ARHGAP15: variants seen among roughly 807,000 people sequenced by gnomAD.
The protein encoded by ARHGAP15 is Rho GTPase activating protein 15.
ARHGAP15 carries 51 observed loss-of-function variants against 63.7 expected under a neutral mutation model. The observed-to-expected ratio is 0.80, with a 90% CI of 0.64 to 1.01. The LOEUF (loss-of-function observed/expected upper bound fraction) is 1.01, where lower values mean the gene tolerates loss of function less well. ARHGAP15 is among the 50% of genes least tolerant of loss of function. The probability of loss-of-function intolerance (pLI) is 0.00; values close to 1 mark genes in which losing one functional copy is unlikely to be tolerated. For synonymous variants in ARHGAP15, 191 were observed against 193.8 expected, an observed-to-expected ratio of 0.99 and a Z score of 0.12; for missense variants, 560 against 564.6, an observed-to-expected ratio of 0.99 and a Z score of 0.08.
intron 1 of ARHGAP15, among the ~76,000 whole-genome samples, chr2:143,129,780 A>C (rs1476645679): frequency 6.6e-6 from 1 of 152,188 alleles, no homozygotes; most frequent in Non-Finnish European, 1.5e-5. Context: ...ACTAGAAATA[A>C]TGTGAGACTT....
At chr2:143,470,292 GAAAAAAA>G (rs527918583) in intron 8 of ARHGAP15, among the ~76,000 whole-genome samples, 1,832 of 126,742 alleles carry the variant, frequency 0.014, 32 homozygotes, top group African/African-American at 0.049. Context: ...CAAGGTTTTG[GAAAAAAA>G]AAAAAAAAGG....
At chr2:143,304,782 T>C (rs557223755) in intron 6 of ARHGAP15, among the ~76,000 whole-genome samples, 21 of 152,156 alleles carry the variant, frequency 1.4e-4, no homozygotes, top group African/African-American at 5.1e-4. Flanking sequence ...TGAGACACCA[T>C]CTCATGCCAG....
At chr2:143,723,028 A>G (rs1388317443) in intron 13 of ARHGAP15, among the ~76,000 whole-genome samples, 3 of 152,216 alleles carry the variant, frequency 2.0e-5, no homozygotes, top group Non-Finnish European at 2.9e-5. Context: ...TGGTCCCATG[A>G]GATTATGACA....
chr2:143,514,722 A>G (rs563215993), intron 9 of ARHGAP15, among the ~76,000 whole-genome samples: 1 of 152,306 alleles, frequency 6.6e-6, no homozygotes, highest in Admixed American at 6.5e-5. Context: ...TTTAAGCTGC[A>G]GGTCTGACTG....
At chr2:143,430,899 A>G (rs911415068) in intron 6 of ARHGAP15, among the ~76,000 whole-genome samples, 4 of 152,022 alleles carry the variant, frequency 2.6e-5, no homozygotes, top group Admixed American at 6.6e-5. Flanking sequence ...TTTCCTGCAT[A>G]CTATTTCAGT....
At chr2:143,477,190 GCA>G (rs59257825) in intron 8 of ARHGAP15, among the ~76,000 whole-genome samples, 61 of 147,402 alleles carry the variant, frequency 4.1e-4, no homozygotes, top group Middle Eastern at 3.4e-3. Context: ...ACACATGCTC[GCA>G]CACACACACA....
chr2:143,130,581 C>T (rs2104974824), intron 1 of ARHGAP15, among the ~76,000 whole-genome samples: 1 of 152,184 alleles, frequency 6.6e-6, no homozygotes, highest in East Asian at 1.9e-4. Context: ...GAAAGACACA[C>T]ATAAATGTTT....
In ARHGAP15 at chr2:143,607,830, A is replaced by T. The variant is rs1423868119; in HGVS notation, c.1004-16303A>T. ...CTCACAAAGCCATGTTCTCCACCCCACTGAAGGGCTTCATTTACATCTAAA... is the reference window on the plus strand; with the variant it reads ...CTCACAAAGCCATGTTCTCCACCCCTCTGAAGGGCTTCATTTACATCTAAA... On this transcript the variant is annotated intron_variant, in intron 11 of 13. Coordinates refer to ENST00000295095, the MANE Select transcript of ARHGAP15 (RefSeq NM_018460.4). 5 of 152,232 alleles carry T rather than the reference A, an allele frequency of 3.3e-5. No individual in the cohort carries two copies. In the East Asian group the frequency reaches 9.7e-4, roughly 29 times the overall value. 9.4% of individuals were successfully genotyped at this position (152,232 alleles called of 1,614,324 possible). A position where few individuals can be genotyped will look rare whatever the true frequency, so the allele number is the denominator to read the frequency against.
At chr2:143,436,650 G>GGAT (rs1389313635) in intron 7 of ARHGAP15, among the ~76,000 whole-genome samples, 5 of 152,072 alleles carry the variant, frequency 3.3e-5, no homozygotes, top group African/African-American at 7.2e-5. Context: ...AGGAAAATAA[G>GGAT]GATAATAATA....
intron 6 of ARHGAP15, among the ~76,000 whole-genome samples, chr2:143,413,193 T>C (rs1469340711): frequency 6.6e-6 from 1 of 152,242 alleles, no homozygotes; most frequent in Non-Finnish European, 1.5e-5. Flanking sequence ...GATGATATTT[T>C]ATTCCAGAAA....
intron 13 of ARHGAP15, among the ~76,000 whole-genome samples, chr2:143,767,175 T>C (rs766456244): frequency 3.9e-5 from 6 of 152,210 alleles, no homozygotes; most frequent in Non-Finnish European, 8.8e-5. Context: ...TAAAATCAAG[T>C]AGGCTTCAGC....
chr2:143,222,643 C>T (rs1693044526), intron 4 of ARHGAP15, among the ~76,000 whole-genome samples: 1 of 152,164 alleles, frequency 6.6e-6, no homozygotes, highest in African/African-American at 2.4e-5. Flanking sequence ...GAATGCCAAG[C>T]TGATGGCTTT....
In ARHGAP15 at chr2:143,384,821, T is replaced by TAACCTGTCC. The variant is rs569994464; in HGVS notation, c.475-50779_475-50771dup. On this transcript the variant is annotated intron_variant, in intron 6 of 13. Transcript: ENST00000295095. The stretch of plus-strand genomic sequence containing the variant: ...CTCTGCCTCTGAGAAAAATTAATCC[T>TAACCTGTCC]AACCTGTCCGGGGATACCTTACCTT... Among the ~76,000 whole-genome samples the TAACCTGTCC allele has an allele frequency of 1.6e-3, 249 of 152,268 alleles. 1 individual carries two copies. The highest frequency in any genetic ancestry group is 5.1e-3 in the African/African-American group (213 of 41,558).
chr2:143,700,783 C>T (rs1574858638), intron 12 of ARHGAP15, among the ~76,000 whole-genome samples: 1 of 152,280 alleles, frequency 6.6e-6, no homozygotes, highest in East Asian at 1.9e-4. Context: ...ATTCAAGCAT[C>T]CCCAATAGCT....
At chr2:143,380,518 G>T (rs1231239702) in intron 6 of ARHGAP15, among the ~76,000 whole-genome samples, 1 of 152,072 alleles carries the variant, frequency 6.6e-6, no homozygotes, top group African/African-American at 2.4e-5. Context: ...CTCCAGTTTG[G>T]ATGATATAAT....
rs142733317 is a variant in ARHGAP15, at chr2:143,205,931, C to T, written c.234+3729C>T. On this transcript the variant is annotated intron_variant, in intron 3 of 13. Coordinates refer to ENST00000295095, the MANE Select transcript of ARHGAP15 (RefSeq NM_018460.4). ...CCTTATCATACCCTATCATCCCCCC[C>T]ACTGATCCTAGGCAGCAATTCCAGA... Among the ~76,000 whole-genome samples, 13 of 152,174 alleles carry T rather than the reference C, an allele frequency of 8.5e-5. No individual in the cohort carries two copies. The East Asian group carries it at 1.9e-3, about 23-fold the overall frequency.
At chr2:143,167,572 C>T (rs1302488031) in intron 2 of ARHGAP15, among the ~76,000 whole-genome samples, 2 of 152,068 alleles carry the variant, frequency 1.3e-5, no homozygotes, top group African/African-American at 4.8e-5. Flanking sequence ...TAACTCTGAG[C>T]CCCCTATCTC....
chr2:143,333,375 T>C (rs1684632731), intron 6 of ARHGAP15, among the ~76,000 whole-genome samples: 1 of 152,202 alleles, frequency 6.6e-6, no homozygotes, highest in East Asian at 1.9e-4. Context: ...TGGCATGCCA[T>C]GTCTATGTAA....
chr2:143,150,052 T>G (rs1689755862), intron 1 of ARHGAP15, among the ~76,000 whole-genome samples: 1 of 151,946 alleles, frequency 6.6e-6, no homozygotes, highest in East Asian at 1.9e-4. Context: ...TGCTGGGGGG[T>G]GTGGGCCCTG....
Sources: gnomAD v4.1 joint callset for allele counts (sites outside exome capture counted in the v4.1 genomes callset) on GRCh38, gnomAD v4.1.1 for gene constraint, MANE v1.5 for transcripts, NCBI Gene and HGNC (gene_info 2026-07-23, HGNC 2026-07-21) for gene names.